Variants in ROBO2 observed in about 807,000 individuals in gnomAD.
ROBO2 encodes roundabout homolog 2.
In ROBO2, 53 loss-of-function variants were observed where a neutral mutation model predicts 160.8. The ratio of observed to expected loss-of-function variants is 0.33; its 90% confidence interval spans 0.26 to 0.41. The LOEUF is 0.41. ROBO2 is among the 10% of genes least tolerant of loss of function. The pLI is 1.00. For synonymous variants in ROBO2, 664 were observed against 611.7 expected (o/e 1.09, Z -1.26); for missense variants, 1,577 against 1,722.4 (o/e 0.92, Z 1.49).
chr3:76,737,794 T>C (rs1022364270), intron 2 of ROBO2, among the ~76,000 whole-genome samples: 2 of 152,184 alleles, frequency 1.3e-5, no homozygotes, highest in South Asian at 4.1e-4. Flanking sequence ...ATTTGACTTT[T>C]AATTAAATGT....
At chr3:76,287,250 A>C (rs908880951) in intron 2 of ROBO2, among the ~76,000 whole-genome samples, 1 of 151,692 alleles carries the variant, frequency 6.6e-6, no homozygotes, top group African/African-American at 2.4e-5. Flanking sequence ...TAGAGAACTC[A>C]TAAGACACAT....
chr3:76,268,343 A>G (rs1175677292), intron 2 of ROBO2, among the ~76,000 whole-genome samples: 1 of 152,200 alleles, frequency 6.6e-6, no homozygotes, highest in African/African-American at 2.4e-5. Flanking sequence ...CTTTCAACAA[A>G]GTATATTAGT....
Position 75,935,056 on chromosome 3 carries a change from C to A in ROBO2, c.-13-2425C>A, listed in dbSNP as rs543535177. Among the ~76,000 whole-genome samples the A allele has an allele frequency of 3.9e-5, 6 of 152,206 alleles. No individual in the cohort carries two copies. In the East Asian group the frequency reaches 9.7e-4, roughly 25 times the overall value. ...TAAAAGAATGTATATAGGCCAGGCA[C>A]GGTGGCTCGTGCCTGACCTCAGGTG... is the stretch of plus-strand genomic sequence containing the variant. On this transcript the variant is annotated intron_variant, in intron 1 of 26. Transcript: ENST00000487694.
chr3:77,503,851 T>C (rs1358301837), intron 5 of ROBO2, among the ~76,000 whole-genome samples: 3 of 152,194 alleles, frequency 2.0e-5, no homozygotes, highest in Admixed American at 6.5e-5. Context: ...AAAAGAATAA[T>C]TTCTGAGATC....
At chr3:76,825,469 C>T (rs1378045257) in intron 2 of ROBO2, among the ~76,000 whole-genome samples, 1 of 151,716 alleles carries the variant, frequency 6.6e-6, no homozygotes, top group African/African-American at 2.4e-5. Flanking sequence ...GCAAACTTCC[C>T]CTCCTGTTTT....
chr3:76,966,762 C>T (rs2059315620), intron 2 of ROBO2, among the ~76,000 whole-genome samples: 1 of 152,174 alleles, frequency 6.6e-6, no homozygotes, highest in Admixed American at 6.5e-5. Flanking sequence ...TCTTGGGATG[C>T]TTGTGTGGAT....
chr3:77,413,743 A>G (rs1373083916), intron 2 of ROBO2, among the ~76,000 whole-genome samples: 3 of 152,232 alleles, frequency 2.0e-5, no homozygotes, highest in Admixed American at 6.5e-5. Flanking sequence ...ACGAGAGTCA[A>G]GGACGACTCC....
chr3:76,551,899 G>A (rs2108365239), intron 2 of ROBO2, among the ~76,000 whole-genome samples: 1 of 152,208 alleles, frequency 6.6e-6, no homozygotes, highest in East Asian at 1.9e-4. Context: ...ATCCCTCACT[G>A]CTCCATGAAT....
chr3:77,401,318 T>G (rs1283650541), intron 2 of ROBO2, among the ~76,000 whole-genome samples: 1 of 152,196 alleles, frequency 6.6e-6, no homozygotes, highest in Admixed American at 6.6e-5. Flanking sequence ...AAGAGGATTT[T>G]GTTTATCTTT....
At chr3:76,207,475 A>T (rs569868560) in intron 2 of ROBO2, among the ~76,000 whole-genome samples, 3 of 152,120 alleles carry the variant, frequency 2.0e-5, no homozygotes, top group Non-Finnish European at 2.9e-5. Context: ...AATTAATTTG[A>T]TGTATTAAAA....
intron 2 of ROBO2, among the ~76,000 whole-genome samples, chr3:76,388,212 T>C (rs1005293656): frequency 9.9e-5 from 15 of 152,170 alleles, no homozygotes; most frequent in Non-Finnish European, 1.8e-4. Flanking sequence ...AAAATACTTG[T>C]TGTAAAGGAA....
At chr3:77,578,890 A>T (rs1405467700) in intron 15 of ROBO2, among the ~76,000 whole-genome samples, 1 of 151,998 alleles carries the variant, frequency 6.6e-6, no homozygotes, top group Non-Finnish European at 1.5e-5. Context: ...TTACAACATG[A>T]TGAATTTTTT....
rs565000945 is a variant in ROBO2 at position 76,115,108 on chromosome 3, G to A, written c.109+177506G>A. ...GTTCTTATGGTTAGAACTCAACTTC[G>A]CATAAATCACTGTAAGATCCAAAGG... On this transcript the variant is annotated intron_variant, in intron 2 of 26. Transcript: ENST00000487694. Among the ~76,000 whole-genome samples, 7 of 152,096 alleles carry A rather than the reference G, an allele frequency of 4.6e-5. No homozygotes were observed. The East Asian group carries it at 7.7e-4, about 17-fold the overall frequency.
chr3:76,435,400 T>C (rs2076626958), intron 2 of ROBO2: 5 of 779,012 alleles, frequency 6.4e-6, no homozygotes, highest in Non-Finnish European at 1.2e-5. Flanking sequence ...CAGAAGTTGG[T>C]CACCACAGTG....
chr3:76,367,292 A>G (rs549355034), intron 2 of ROBO2, among the ~76,000 whole-genome samples: 1 of 152,200 alleles, frequency 6.6e-6, no homozygotes, highest in South Asian at 2.1e-4. Context: ...AGAGATGTTT[A>G]CAAAACTCAT....
chr3:76,797,138 G>A (rs1157900978), intron 2 of ROBO2, among the ~76,000 whole-genome samples: 1 of 152,094 alleles, frequency 6.6e-6, no homozygotes, highest in Non-Finnish European at 1.5e-5. Context: ...AATGGCTGCA[G>A]AATACACATT....
At chr3:77,235,868 A>G (rs2087899035) in intron 2 of ROBO2, among the ~76,000 whole-genome samples, 1 of 152,158 alleles carries the variant, frequency 6.6e-6, no homozygotes, top group East Asian at 1.9e-4. Context: ...CCCCCTCACT[A>G]TCAACATCCC....
chr3:77,526,082 C>T (rs936541640), intron 6 of ROBO2, among the ~76,000 whole-genome samples: 7 of 151,384 alleles, frequency 4.6e-5, no homozygotes, highest in African/African-American at 1.7e-4. Context: ...TAACTCACTC[C>T]TCTTTTCCTC....
At chr3:76,329,487 G>T (rs2073315725) in intron 2 of ROBO2, among the ~76,000 whole-genome samples, 1 of 152,142 alleles carries the variant, frequency 6.6e-6, no homozygotes, top group Non-Finnish European at 1.5e-5. Context: ...CAAAGTGCTG[G>T]GATAACAGGC....
Sources: gnomAD v4.1 joint callset for allele counts (sites outside exome capture counted in the v4.1 genomes callset) on GRCh38, gnomAD v4.1.1 for gene constraint, MANE v1.5 for transcripts, NCBI Gene and HGNC (gene_info 2026-07-23, HGNC 2026-07-21) for gene names.